ADAMTSL1: variants seen among roughly 807,000 people sequenced by gnomAD.
ADAMTSL1 encodes ADAMTS-like protein 1.
In ADAMTSL1, 126 loss-of-function variants were observed where a neutral mutation model predicts 201.8. The ratio of observed to expected loss-of-function variants is 0.62; its 90% confidence interval spans 0.54 to 0.72. The LOEUF (loss-of-function observed/expected upper bound fraction) is 0.72, where lower values mean the gene tolerates loss of function less well. Ranked by LOEUF, ADAMTSL1 falls within the 30% of genes least tolerant of loss-of-function variation. The probability of loss-of-function intolerance (pLI) is 0.00; values close to 1 mark genes in which losing one functional copy is unlikely to be tolerated. For synonymous variants in ADAMTSL1, 1,121 were observed against 903.4 expected, an observed-to-expected ratio of 1.24 and a Z score of -4.32; for missense variants, 2,679 against 2,277.8, an observed-to-expected ratio of 1.18 and a Z score of -3.59.
chr9:18,282,274 T>C (rs1325036588), intron 2 of ADAMTSL1, among the ~76,000 whole-genome samples: 2 of 152,198 alleles, frequency 1.3e-5, no homozygotes, highest in Admixed American at 6.5e-5. Context: ...TAGTATTCCA[T>C]GGTTTCTATA....
intron 3 of ADAMTSL1, among the ~76,000 whole-genome samples, chr9:18,543,644 G>GA (rs993875714): frequency 5.9e-5 from 9 of 151,636 alleles, no homozygotes; most frequent in African/African-American, 1.2e-4. Context: ...ATTACTCTGG[G>GA]AAAAAAAATC....
At chr9:18,858,294 C>T (rs1196823331) in intron 23 of ADAMTSL1, among the ~76,000 whole-genome samples, 1 of 152,094 alleles carries the variant, frequency 6.6e-6, no homozygotes. Flanking sequence ...ATTGCTGCCC[C>T]CACCCCCACA....
intron 7 of ADAMTSL1, among the ~76,000 whole-genome samples, chr9:18,652,244 C>T (rs1828326870): frequency 6.6e-6 from 1 of 151,536 alleles, no homozygotes; most frequent in Non-Finnish European, 1.5e-5. Context: ...TGGTGGCAGG[C>T]ATCTGTGATC....
At chr9:18,291,145 T>C (rs1419945751) in intron 2 of ADAMTSL1, among the ~76,000 whole-genome samples, 1 of 115,472 alleles carries the variant, frequency 8.7e-6, no homozygotes, top group East Asian at 3.2e-4. Flanking sequence ...TAGCTAGGGA[T>C]ATGTAGGTAA....
At chr9:18,505,234 T>G (rs530707022) in intron 2 of ADAMTSL1, among the ~76,000 whole-genome samples, 1 of 152,336 alleles carries the variant, frequency 6.6e-6, no homozygotes, top group East Asian at 1.9e-4. Context: ...TGTTTTCATG[T>G]TAGGACTGGA....
chr9:18,675,690 GC>G (rs1256873822), intron 9 of ADAMTSL1, among the ~76,000 whole-genome samples, 166 bp from the exon 10 acceptor site: 1 of 151,992 alleles, frequency 6.6e-6, no homozygotes, highest in Non-Finnish European at 1.5e-5. Flanking sequence ...CCATCCTAAA[GC>G]ATATCCTGGC....
intron 13 of ADAMTSL1, among the ~76,000 whole-genome samples, chr9:18,690,657 A>T (rs74413064): frequency 0.018 from 2,748 of 152,334 alleles, 37 homozygotes; most frequent in South Asian, 0.042. Flanking sequence ...CATTAGAATT[A>T]TAAGATTAAA....
rs1824242406 is a variant in ADAMTSL1, at chr9:18,096,137, A to G, written c.88-67725A>G. On this transcript the variant is annotated intron_variant, in intron 1 of 29. Coordinates refer to the ADAMTSL1 transcript ENST00000680146. Reference sequence around the variant, plus strand: ...TAACAATACTAGTATTACCACTCCCATATAACAGCATCATGTAAGTAATAT... The same window carrying G: ...TAACAATACTAGTATTACCACTCCCGTATAACAGCATCATGTAAGTAATAT... 3.9e-5 allele frequency among the ~76,000 whole-genome samples: 6 copies of G among 152,302 alleles called. 1 individual carries two copies. The South Asian group carries it at 1.2e-3, about 32-fold the overall frequency.
intron 2 of ADAMTSL1, among the ~76,000 whole-genome samples, chr9:18,199,189 G>C (rs1829324157): frequency 6.6e-6 from 1 of 151,654 alleles, no homozygotes; most frequent in Non-Finnish European, 1.5e-5. Context: ...CAGTGCACCA[G>C]CATGGCACAT....
intron 2 of ADAMTSL1, among the ~76,000 whole-genome samples, chr9:18,316,625 T>C (rs919901964): frequency 6.6e-6 from 1 of 152,176 alleles, no homozygotes; most frequent in Non-Finnish European, 1.5e-5. Flanking sequence ...GTTATCCTGT[T>C]CTTTTTTTCA....
At chr9:18,695,738 T>A (rs1234217651) in intron 13 of ADAMTSL1, among the ~76,000 whole-genome samples, 2 of 152,214 alleles carry the variant, frequency 1.3e-5, no homozygotes, top group African/African-American at 4.8e-5. Context: ...TCTTCCAACC[T>A]CTGCCAGTTA....
chr9:18,332,892 T>C (rs1458151298), intron 2 of ADAMTSL1, among the ~76,000 whole-genome samples: 1 of 152,144 alleles, frequency 6.6e-6, no homozygotes, highest in African/African-American at 2.4e-5. Flanking sequence ...ACTCTGGCAC[T>C]TATGACCTGC....
chr9:18,167,481 G>T (rs1827685321), intron 2 of ADAMTSL1, among the ~76,000 whole-genome samples: 1 of 151,898 alleles, frequency 6.6e-6, no homozygotes. Context: ...AGTGTGTAAA[G>T]AGTTTGTTTT....
At chr9:18,530,133 T>C (rs147283369) in intron 2 of ADAMTSL1, among the ~76,000 whole-genome samples, 67 of 152,290 alleles carry the variant, frequency 4.4e-4, no homozygotes, top group African/African-American at 1.6e-3. Context: ...TCCCTTGGCA[T>C]TTGAACAGAG....
intron 1 of ADAMTSL1, among the ~76,000 whole-genome samples, chr9:17,977,982 G>T (rs1390120560): frequency 1.3e-5 from 2 of 151,734 alleles, no homozygotes; most frequent in Non-Finnish European, 2.9e-5. Flanking sequence ...TATTCATATG[G>T]GTGCTTCAGT....
rs117532488 is a variant in ADAMTSL1 at position 18,172,917 on chromosome 9, A to C, written c.207+8936A>C. 7.5e-4 allele frequency among the ~76,000 whole-genome samples: 114 copies of C among 152,172 alleles called. 2 individuals are homozygous for C. In the East Asian group the frequency reaches 0.013, roughly 17 times the overall value. On this transcript the variant is annotated intron_variant, in intron 2 of 29. Transcript: ENST00000680146. ...CTTTATTAGATTTCATTTAGAGAAA[A>C]TATATATAAAGACAGAGGTGCGAAA...
intron 1 of ADAMTSL1, among the ~76,000 whole-genome samples, chr9:18,043,600 G>A (rs1424449354): frequency 1.3e-5 from 2 of 151,904 alleles, no homozygotes; most frequent in Non-Finnish European, 2.9e-5. Flanking sequence ...TTATGGAGAC[G>A]GGTGTTCCCT....
chr9:18,152,769 G>C (rs974513590), intron 1 of ADAMTSL1, among the ~76,000 whole-genome samples: 1 of 151,494 alleles, frequency 6.6e-6, no homozygotes, highest in Non-Finnish European at 1.5e-5. Context: ...TAAAGAGCAA[G>C]AATGCAAAAA....
chr9:18,427,004 C>T (rs1290125989), intron 2 of ADAMTSL1, among the ~76,000 whole-genome samples: 3 of 152,206 alleles, frequency 2.0e-5, no homozygotes, highest in African/African-American at 7.2e-5. Flanking sequence ...ACACATCCCA[C>T]ATAGCACCTT....
Sources: gnomAD v4.1 joint callset for allele counts (sites outside exome capture counted in the v4.1 genomes callset) on GRCh38, gnomAD v4.1.1 for gene constraint, MANE v1.5 for transcripts, NCBI Gene and HGNC (gene_info 2026-07-23, HGNC 2026-07-21) for gene names.